SWT1: variants seen among roughly 807,000 people sequenced by gnomAD.
SWT1 encodes the protein transcriptional protein SWT1.
A neutral mutation model predicts 107.3 loss-of-function variants in SWT1; 33 were observed. The observed-to-expected ratio is 0.31, with a 90% confidence interval of 0.23 to 0.41. The LOEUF is 0.41. Among genes scored for constraint, SWT1 ranks in the 10% least tolerant of loss-of-function variants. The probability of loss-of-function intolerance (pLI) is 1.00; values close to 1 mark genes in which losing one functional copy is unlikely to be tolerated. For missense variants in SWT1, 898 were observed against 1,028.9 expected (o/e 0.87, Z 1.74); for synonymous variants, 345 against 348.3 (o/e 0.99, Z 0.11).
At chr1:185,220,638 C>A (rs1169908176) in intron 14 of SWT1, among the ~76,000 whole-genome samples, 1 of 152,082 alleles carries the variant, frequency 6.6e-6, no homozygotes, top group Non-Finnish European at 1.5e-5. Context: ...CTATCTTTAC[C>A]TGGATAACTT....
At chr1:185,286,384 C>T (rs201372071) in intron 18 of SWT1, among the ~76,000 whole-genome samples, 225 of 152,018 alleles carry the variant, frequency 1.5e-3, no homozygotes, top group Non-Finnish European at 2.7e-3. Flanking sequence ...CCACCAGGCC[C>T]GGCTAATTTT....
chr1:185,256,107 C>A (rs10911698), intron 16 of SWT1, among the ~76,000 whole-genome samples: 47,406 of 148,946 alleles, frequency 0.32, 7,729 homozygotes, highest in Non-Finnish European at 0.35. Context: ...TGAATATTGG[C>A]CCCCACTCTC....
At chr1:185,216,797 C>G (rs1181079283) in intron 14 of SWT1, among the ~76,000 whole-genome samples, 2 of 151,852 alleles carry the variant, frequency 1.3e-5, no homozygotes, top group African/African-American at 2.4e-5. Flanking sequence ...ACTAAAAATA[C>G]AAAAATTAGC....
intron 16 of SWT1, among the ~76,000 whole-genome samples, chr1:185,270,822 A>G (rs892442599): frequency 1.3e-5 from 2 of 152,222 alleles, no homozygotes; most frequent in East Asian, 1.9e-4. Flanking sequence ...ATAGAGCTGT[A>G]GGCTGATAGT....
chr1:185,288,297 C>G (rs1329568536), intron 18 of SWT1, among the ~76,000 whole-genome samples: 2 of 152,082 alleles, frequency 1.3e-5, no homozygotes, highest in Admixed American at 6.6e-5. Flanking sequence ...TTAGGCTGCT[C>G]TCAAACTCCT....
rs137988844 is a variant in SWT1, at chr1:185,224,677, G to A, written c.2309+2641G>A. ...TTATCCATGTTTTAGAGTTTTCAGC[G>A]TAAGATCTTTCACCTCCTTGATTAG... is the stretch of plus-strand genomic sequence containing the variant. On this transcript the variant is annotated intron_variant, in intron 15 of 18. Coordinates refer to ENST00000367500, the MANE Select transcript of SWT1 (RefSeq NM_017673.7). 5.7e-4 allele frequency among the ~76,000 whole-genome samples: 86 copies of A among 152,092 alleles called. No homozygotes were observed. In the Middle Eastern group the frequency reaches 0.01, roughly 18 times the overall value.
chr1:185,175,149 C>T lies in SWT1; in HGVS notation c.966+36C>T, dbSNP rs553604664. On this transcript the variant is annotated intron_variant, in intron 5 of 18. Transcript: ENST00000367500. ...AAAAAATGAAGAATATAGGTTTTAA[C>T]TGAGAGTTTATTAATATAGTTAAGT... 2.9e-6 allele frequency: 4 copies of T among 1,389,738 alleles called. No homozygotes were observed. In the East Asian group the frequency reaches 1.0e-4, roughly 36 times the overall value. 86.1% of individuals were successfully genotyped at this position (1,389,738 alleles called of 1,614,324 possible).
intron 16 of SWT1, among the ~76,000 whole-genome samples, chr1:185,258,922 A>G (rs1420335375): frequency 1.3e-5 from 2 of 152,042 alleles, no homozygotes; most frequent in African/African-American, 2.4e-5. Context: ...GTTCTCTTAT[A>G]TGGAATTCCT....
intron 3 of SWT1, among the ~76,000 whole-genome samples, chr1:185,167,531 C>T (rs149357962): frequency 9.9e-5 from 15 of 152,254 alleles, no homozygotes; most frequent in African/African-American, 2.9e-4. Context: ...AATTAAGCTG[C>T]GGTTTCTATT....
At chr1:185,229,497 A>C (rs1007203766) in intron 15 of SWT1, among the ~76,000 whole-genome samples, 1 of 151,936 alleles carries the variant, frequency 6.6e-6, no homozygotes, top group South Asian at 2.1e-4. Context: ...GTATAAATCT[A>C]TATAAAAATT....
intron 16 of SWT1, among the ~76,000 whole-genome samples, chr1:185,262,994 C>T (rs1321102223): frequency 6.6e-6 from 1 of 151,998 alleles, no homozygotes; most frequent in Admixed American, 6.6e-5. Flanking sequence ...ACCATGTTGC[C>T]CAGGCTGGTC....
intron 13 of SWT1, among the ~76,000 whole-genome samples, chr1:185,210,152 T>G (rs561864524): frequency 6.6e-6 from 1 of 152,212 alleles, no homozygotes; most frequent in Non-Finnish European, 1.5e-5. Flanking sequence ...TTGCAAAAAT[T>G]TTCTCCCATT....
chr1:185,264,482 T>C, intron 16 of SWT1: 2 of 981,990 alleles, frequency 2.0e-6, no homozygotes, highest in South Asian at 9.4e-5. Flanking sequence ...AGATAAGAAA[T>C]AGAATAATAA....
intron 16 of SWT1, among the ~76,000 whole-genome samples, chr1:185,238,346 C>T (rs1192578796): frequency 6.6e-6 from 1 of 152,066 alleles, no homozygotes; most frequent in Non-Finnish European, 1.5e-5. Flanking sequence ...ATAATAATAC[C>T]TTCCCAGAGC....
chr1:185,181,807 C>T (rs1656039558), intron 6 of SWT1, 139 bp from the exon 7 acceptor site: 6 of 795,314 alleles, frequency 7.5e-6, no homozygotes, highest in Non-Finnish European at 1.2e-5. Flanking sequence ...TGTTCTTTTA[C>T]TATGCTCCTT....
At chr1:185,177,421 A>C (rs1655661143) in intron 5 of SWT1, among the ~76,000 whole-genome samples, 1 of 152,206 alleles carries the variant, frequency 6.6e-6, no homozygotes, top group African/African-American at 2.4e-5. Context: ...GTTGCAGAAG[A>C]AGCAGTTTTT....
intron 8 of SWT1, 27 bp downstream of exon 8, chr1:185,184,371 C>G: frequency 7.6e-7 from 1 of 1,310,234 alleles, no homozygotes; most frequent in Non-Finnish European, 1.1e-6. Context: ...TTTAAAGATT[C>G]TGATTTTCTT....
In SWT1 at chr1:185,251,832, T is replaced by C. The variant is rs547631991; in HGVS notation, c.2442-19491T>C. ...ATTATACTTTAAATTTTAGGGTACA[T>C]GTGCACATTGTGCAGGTTAGTTACA... On this transcript the variant is annotated intron_variant, in intron 16 of 18. Coordinates refer to ENST00000367500, the MANE Select transcript of SWT1 (RefSeq NM_017673.7). Among the ~76,000 whole-genome samples the C allele has an allele frequency of 2.5e-3, 378 of 151,924 alleles. 3 individuals are homozygous for C. The highest frequency in any genetic ancestry group is 3.2e-3 in the Non-Finnish European group (215 of 67,902).
In SWT1 at chr1:185,157,221, T is replaced by G. The variant is rs1013174907; in HGVS notation, c.-103T>G. On this transcript the variant is annotated 5_prime_UTR_variant, in exon 1 of 19. Transcript: ENST00000367500. ...CTACGTTTCCCAGCAGGCATACAGT[T>G]GGTGGGGCGGGGTGTGTGTGTGTGT... is the stretch of plus-strand genomic sequence containing the variant. The G allele has an allele frequency of 6.4e-6, 1 of 156,630 alleles. No individual in the cohort carries two copies. The highest frequency in any genetic ancestry group is 1.4e-5 in the Non-Finnish European group (1 of 70,248). 9.7% of individuals were successfully genotyped at this position (156,630 alleles called of 1,614,324 possible). A position where few individuals can be genotyped will look rare whatever the true frequency, so the allele number is the denominator to read the frequency against.
Sources: gnomAD v4.1 joint callset for allele counts (sites outside exome capture counted in the v4.1 genomes callset) on GRCh38, gnomAD v4.1.1 for gene constraint, MANE v1.5 for transcripts, NCBI Gene and HGNC (gene_info 2026-07-23, HGNC 2026-07-21) for gene names.